NPAS3: variants seen among roughly 807,000 people sequenced by gnomAD.
The protein encoded by NPAS3 is neuronal PAS domain protein 3, also known as neuronal PAS domain-containing protein 3.
Under a neutral mutation model 73.1 loss-of-function variants are expected in NPAS3, and 14 were observed. The observed-to-expected ratio is 0.19, with a 90% CI of 0.13 to 0.30. The LOEUF (loss-of-function observed/expected upper bound fraction) is 0.30. Among genes scored for constraint, NPAS3 ranks in the 10% least tolerant of loss-of-function variants. The pLI is 1.00. For missense variants in NPAS3, 1,096 were observed against 1,250.0 expected (o/e 0.88, Z 1.86); for synonymous variants, 620 against 541.5 (o/e 1.14, Z -2.01).
intron 5 of NPAS3, among the ~76,000 whole-genome samples, chr14:33,636,503 G>T (rs1039158133): frequency 6.6e-6 from 1 of 152,256 alleles, no homozygotes. Flanking sequence ...CACTCCAAGG[G>T]CATGTCAGGA....
intron 6 of NPAS3, among the ~76,000 whole-genome samples, chr14:33,682,454 A>AACTT (rs898491162): frequency 2.0e-5 from 3 of 152,216 alleles, no homozygotes; most frequent in South Asian, 4.1e-4. Flanking sequence ...CATCATTAAG[A>AACTT]ACTTACCTTC....
chr14:33,026,057 G>A (rs1409316709), intron 1 of NPAS3, among the ~76,000 whole-genome samples: 1 of 152,156 alleles, frequency 6.6e-6, no homozygotes, highest in Non-Finnish European at 1.5e-5. Flanking sequence ...GCCAATAGCA[G>A]CCTCTTCTCT....
intron 2 of NPAS3, among the ~76,000 whole-genome samples, chr14:33,163,533 G>T (rs143278559): frequency 3.7e-3 from 568 of 151,978 alleles, no homozygotes; most frequent in African/African-American, 0.013. Context: ...TTTAGCTATT[G>T]ATATGGGCTG....
chr14:33,735,422 A>G (rs184892369), intron 7 of NPAS3, 90 bp downstream of exon 7: 38 of 888,118 alleles, frequency 4.3e-5, no homozygotes, highest in Non-Finnish European at 7.3e-5. Flanking sequence ...AGGTCCATAT[A>G]ATGAATACAT....
At chr14:33,035,854 G>A (rs544011529) in intron 1 of NPAS3, among the ~76,000 whole-genome samples, 9 of 152,204 alleles carry the variant, frequency 5.9e-5, no homozygotes, top group African/African-American at 1.4e-4. Context: ...GGAAGTTGCC[G>A]GTGCTCTTTG....
chr14:33,048,906 G>T (rs994812391), intron 1 of NPAS3, among the ~76,000 whole-genome samples: 3 of 152,224 alleles, frequency 2.0e-5, no homozygotes, highest in African/African-American at 7.2e-5. Flanking sequence ...GGAAGATGAT[G>T]TGTGTACACG....
intron 1 of NPAS3, among the ~76,000 whole-genome samples, chr14:33,051,230 C>T (rs892323421): frequency 1.9e-4 from 28 of 145,500 alleles, no homozygotes; most frequent in Admixed American, 1.6e-3. Flanking sequence ...GCCGAGATTG[C>T]GCCATTGCAG....
In NPAS3 at chr14:33,044,918, A is replaced by T. The variant is rs945639992; in HGVS notation, c.51-10987A>T. ...AGCCTCAGGTGAGTGGCCCAGTTGA[A>T]GGTGGCTCTGTTCCACAGGTTCCTT... On this transcript the variant is annotated intron_variant, in intron 1 of 11. Transcript: ENST00000356141. 2.6e-5 allele frequency among the ~76,000 whole-genome samples: 4 copies of T among 152,258 alleles called. No individual in the cohort carries two copies. The South Asian group carries it at 8.3e-4, about 32-fold the overall frequency.
intron 3 of NPAS3, among the ~76,000 whole-genome samples, chr14:33,284,636 TAATG>T (rs2041788501): frequency 6.6e-6 from 1 of 152,112 alleles, no homozygotes; most frequent in African/African-American, 2.4e-5. Context: ...TTTCTCCAAA[TAATG>T]AGAAAGAAAG....
At chr14:33,050,483 T>C (rs1470181002) in intron 1 of NPAS3, among the ~76,000 whole-genome samples, 6 of 152,186 alleles carry the variant, frequency 3.9e-5, no homozygotes, top group Non-Finnish European at 7.3e-5. Flanking sequence ...GATATGGCTG[T>C]CTCCGAATTC....
intron 7 of NPAS3, among the ~76,000 whole-genome samples, chr14:33,766,876 C>T (rs1034751022): frequency 6.6e-6 from 1 of 152,168 alleles, no homozygotes; most frequent in Non-Finnish European, 1.5e-5. Flanking sequence ...CAGCTTTTCC[C>T]TGTTCTGCCT....
Position 33,800,542 on chromosome 14 carries a change from C to T in NPAS3, c.2235C>T (p.Asp745=). 1 of 1,354,708 alleles carries T rather than the reference C, an allele frequency of 7.4e-7. No homozygotes were observed. The highest frequency in any genetic ancestry group is 1.5e-5 in the African/African-American group (1 of 64,642). 83.9% of individuals were successfully genotyped at this position (1,354,708 alleles called of 1,614,324 possible). ...CGGCCCTGGCCCCCGTCGCCTCCGACCCGCTGTCACCCCCGCTCTCGGCGT... is the reference window on the plus strand; with the variant it reads ...CGGCCCTGGCCCCCGTCGCCTCCGATCCGCTGTCACCCCCGCTCTCGGCGT... The change falls in exon 12 of 12, where the codon GAC becomes GAT. Residue 745 remains aspartate, a synonymous_variant. Coordinates refer to ENST00000356141, the Ensembl canonical transcript of NPAS3. The surrounding 1 kb of genome is among the most constrained non-coding windows in gnomAD (Gnocchi z 6.5).
chr14:32,951,018 A>G (rs2036463169), intron 1 of NPAS3, among the ~76,000 whole-genome samples: 1 of 152,076 alleles, frequency 6.6e-6, no homozygotes, highest in Admixed American at 6.6e-5. Flanking sequence ...GGATATCGAG[A>G]TTGTCAGGGC....
At chr14:33,558,961 G>A (rs1189244079) in intron 4 of NPAS3, among the ~76,000 whole-genome samples, 1 of 151,846 alleles carries the variant, frequency 6.6e-6, no homozygotes, top group African/African-American at 2.4e-5. Context: ...AAGACATGCG[G>A]ATGACAGAGG....
intron 5 of NPAS3, among the ~76,000 whole-genome samples, chr14:33,627,634 TAACTTTGCACAGTTTCCTACAAG>T (rs1195444574): frequency 1.3e-5 from 2 of 152,212 alleles, no homozygotes; most frequent in Non-Finnish European, 2.9e-5. Flanking sequence ...TTCACGCACA[TAACTTTGCACAGTTTCCTACAAG>T]AACATCAATA....
At chr14:33,560,190 A>G (rs2055573187) in exon 5 of NPAS3, 3 of 871,024 alleles carry the variant, frequency 3.4e-6, no homozygotes, top group Non-Finnish European at 6.0e-6. Flanking sequence ...AACAGTCTCC[A>G]TCTACCTAGG....
At chr14:33,255,676 C>T (rs1479316647) in intron 3 of NPAS3, among the ~76,000 whole-genome samples, 1 of 152,154 alleles carries the variant, frequency 6.6e-6, no homozygotes, top group Non-Finnish European at 1.5e-5. Flanking sequence ...TAAACACCTT[C>T]AAATGCAGAT....
At chr14:33,067,939 G>A (rs1005111904) in intron 2 of NPAS3, among the ~76,000 whole-genome samples, 1 of 152,062 alleles carries the variant, frequency 6.6e-6, no homozygotes, top group Non-Finnish European at 1.5e-5. Context: ...TCTTTTAGTA[G>A]CATATTTTCT....
chr14:33,663,950 C>CT (rs1567103085), intron 5 of NPAS3, among the ~76,000 whole-genome samples: 1 of 150,938 alleles, frequency 6.6e-6, no homozygotes, highest in African/African-American at 2.5e-5. Context: ...ATCAGTCTGG[C>CT]TAGTGGTCTA....
Sources: gnomAD v4.1 joint callset for allele counts (sites outside exome capture counted in the v4.1 genomes callset) on GRCh38, gnomAD v4.1.1 for gene constraint, Gnocchi (gnomAD v3.1) non-coding constraint, MANE v1.5 for transcripts, NCBI Gene and HGNC (gene_info 2026-07-23, HGNC 2026-07-21) for gene names.